WWC2: variants seen among roughly 807,000 people sequenced by gnomAD.
WWC2 encodes protein WWC2.
In WWC2, 101 loss-of-function variants were observed where a neutral mutation model predicts 138.5. The observed-to-expected ratio is 0.73, with a 90% CI of 0.62 to 0.86. The LOEUF (loss-of-function observed/expected upper bound fraction) is 0.86. Ranked by LOEUF, WWC2 falls within the 40% of genes least tolerant of loss-of-function variation. The probability of loss-of-function intolerance (pLI) is 0.00; values close to 1 mark genes in which losing one functional copy is unlikely to be tolerated. For synonymous variants in WWC2, 558 were observed against 538.4 expected (o/e 1.04, Z -0.50); for missense variants, 1,420 against 1,419.4 (o/e 1.00, Z -0.01).
intron 1 of WWC2, among the ~76,000 whole-genome samples, chr4:183,158,377 G>T (rs2111134140): frequency 1.2e-4 from 1 of 8,648 alleles, no homozygotes; most frequent in African/African-American, 1.8e-4. Context: ...CAGAGGCTGA[G>T]TCTGAGACCG....
rs777414393 is a variant in WWC2 at position 183,265,030 on chromosome 4, A to G, written c.1962A>G (p.Lys654=). 1.9e-6 allele frequency: 3 copies of G among 1,613,510 alleles called. No individual in the cohort carries two copies. The highest frequency in any genetic ancestry group is 2.5e-6 in the Non-Finnish European group (3 of 1,179,682). Reference sequence around the variant, plus strand: ...GAGTGATCCACTTGCTTGGGGAGAAAACCACTTGTGTGTCGGCTGCTGTGT... The same window carrying G: ...GAGTGATCCACTTGCTTGGGGAGAAGACCACTTGTGTGTCGGCTGCTGTGT... ...KRRVIHLLGE[K]TTCVSAAVSD... The change falls in exon 12 of 23, where the codon AAA becomes AAG. Residue 654 remains lysine (K), a synonymous_variant. Coordinates refer to ENST00000403733, the MANE Select transcript of WWC2 (RefSeq NM_024949.6).
At chr4:183,194,137 G>T (rs1735066882) in intron 2 of WWC2, among the ~76,000 whole-genome samples, 1 of 152,184 alleles carries the variant, frequency 6.6e-6, no homozygotes, top group Non-Finnish European at 1.5e-5. Context: ...GCCTGCATCA[G>T]TGGCTCTGGA....
chr4:183,158,098 C>T (rs937263092), intron 1 of WWC2, among the ~76,000 whole-genome samples: 2 of 152,150 alleles, frequency 1.3e-5, no homozygotes, highest in African/African-American at 4.8e-5. Flanking sequence ...CCACATCTAA[C>T]ACCCCCTTAT....
intron 21 of WWC2, among the ~76,000 whole-genome samples, chr4:183,309,643 C>G (rs565984365): frequency 6.6e-6 from 1 of 152,234 alleles, no homozygotes; most frequent in African/African-American, 2.4e-5. Flanking sequence ...CAAAATCATA[C>G]AGGCACTTTA....
At chr4:183,204,528 C>A (rs544680185) in intron 2 of WWC2, among the ~76,000 whole-genome samples, 53 of 152,220 alleles carry the variant, frequency 3.5e-4, no homozygotes, top group African/African-American at 1.2e-3. Context: ...TATTGCTGTT[C>A]CATTATACCT....
chr4:183,100,195 A>G (rs1743128910), intron 1 of WWC2, among the ~76,000 whole-genome samples: 1 of 152,168 alleles, frequency 6.6e-6, no homozygotes, highest in Non-Finnish European at 1.5e-5. Flanking sequence ...CAGAGTTTAA[A>G]AACGCGCGTT....
At chr4:183,290,282 C>G (rs569095394) in intron 21 of WWC2, among the ~76,000 whole-genome samples, 3 of 152,050 alleles carry the variant, frequency 2.0e-5, no homozygotes, top group Non-Finnish European at 4.4e-5. Flanking sequence ...TCTGGGAGGC[C>G]GAGGCGGGTG....
chr4:183,187,894 TAAAA>T (rs1266669955), intron 1 of WWC2, among the ~76,000 whole-genome samples: 1 of 144,436 alleles, frequency 6.9e-6, no homozygotes, highest in Non-Finnish European at 1.5e-5. Flanking sequence ...TACATAAAAA[TAAAA>T]AAAAAAGAGA....
At chr4:183,301,029 T>A (rs938126218) in intron 21 of WWC2, among the ~76,000 whole-genome samples, 1 of 152,234 alleles carries the variant, frequency 6.6e-6, no homozygotes, top group African/African-American at 2.4e-5. Context: ...TTTCCTTCCC[T>A]GACTTTTCGT....
At position 183,249,913 on chromosome 4, in the gene WWC2, C is replaced by G; in HGVS notation, c.880-7C>G. ...ATTGACTTTTTTCCTTTTTCTTTTT[C>G]CACTAGATTGGAGTAAGAAGTAGAT... On this transcript the variant is annotated splice_region_variant and splice_polypyrimidine_tract_variant and intron_variant, in intron 7 of 22. Coordinates refer to ENST00000403733, the MANE Select transcript of WWC2 (RefSeq NM_024949.6). 1 of 1,609,664 alleles carries G rather than the reference C, an allele frequency of 6.2e-7. No homozygotes were observed. The highest frequency in any genetic ancestry group is 1.1e-5 in the South Asian group (1 of 90,068).
chr4:183,159,314 T>G (rs1733892246), intron 1 of WWC2, among the ~76,000 whole-genome samples: 4 of 152,172 alleles, frequency 2.6e-5, no homozygotes, highest in Admixed American at 2.0e-4. Flanking sequence ...AAAATTGTCT[T>G]TTTATATTTC....
At chr4:183,194,491 C>T (rs916316359) in intron 2 of WWC2, among the ~76,000 whole-genome samples, 12 of 152,070 alleles carry the variant, frequency 7.9e-5, no homozygotes, top group African/African-American at 1.7e-4. Flanking sequence ...ATAAGTTTTG[C>T]GGAATACATA....
At chr4:183,288,497 A>G (rs1308154635) in intron 20 of WWC2, among the ~76,000 whole-genome samples, 1 of 152,010 alleles carries the variant, frequency 6.6e-6, no homozygotes, top group East Asian at 1.9e-4. Context: ...TCCCTTCCTC[A>G]AGTGCATGTG....
intron 21 of WWC2, among the ~76,000 whole-genome samples, chr4:183,291,580 T>C (rs1371592174): frequency 6.6e-6 from 1 of 152,196 alleles, no homozygotes; most frequent in African/African-American, 2.4e-5. Flanking sequence ...CAAAGCTGAA[T>C]TGGAGTTTTA....
chr4:183,208,931 C>A lies in WWC2; in HGVS notation c.446-18C>A. On this transcript the variant is annotated intron_variant, in intron 3 of 22. Transcript: ENST00000403733. ...TGCAACTTGTAAATAATTAGTTTTT[C>A]TTTTTTCTCTATAAAAGTATTCTCA... The A allele has an allele frequency of 6.6e-7, 1 of 1,504,200 alleles. No homozygotes were observed. The highest frequency in any genetic ancestry group is 9.0e-7 in the Non-Finnish European group (1 of 1,108,280). 93.2% of individuals were successfully genotyped at this position (1,504,200 alleles called of 1,614,324 possible).
intron 1 of WWC2, among the ~76,000 whole-genome samples, chr4:183,128,500 G>A (rs1195715895): frequency 6.6e-6 from 1 of 152,170 alleles, no homozygotes; most frequent in Non-Finnish European, 1.5e-5. Flanking sequence ...GGGCAACAGA[G>A]CAAGATCCTG....
chr4:183,117,451 C>A (rs531209539), intron 1 of WWC2, among the ~76,000 whole-genome samples: 50 of 152,028 alleles, frequency 3.3e-4, no homozygotes, highest in African/African-American at 1.2e-3. Context: ...GAACTCCTGA[C>A]CTCAGGTGAT....
At chr4:183,146,337 AAAG>A (rs998560127) in intron 1 of WWC2, among the ~76,000 whole-genome samples, 6 of 152,226 alleles carry the variant, frequency 3.9e-5, no homozygotes, top group Non-Finnish European at 5.9e-5. Context: ...CAGAGAAAAA[AAAG>A]AAGGAGGAAT....
intron 1 of WWC2, among the ~76,000 whole-genome samples, chr4:183,149,587 AC>A (rs1397527542): frequency 8.0e-5 from 12 of 149,894 alleles, no homozygotes; most frequent in African/African-American, 2.9e-4. Context: ...GCGCCATTGC[AC>A]TCCAGCCTGG....
Sources: gnomAD v4.1 joint callset for allele counts (sites outside exome capture counted in the v4.1 genomes callset) on GRCh38, gnomAD v4.1.1 for gene constraint, MANE v1.5 for transcripts, NCBI Gene and HGNC (gene_info 2026-07-23, HGNC 2026-07-21) for gene names.